NFATC3: variants seen among roughly 807,000 people sequenced by gnomAD.
NFATC3 encodes nuclear factor of activated T cells 3.
In NFATC3, 46 loss-of-function variants were observed where a neutral mutation model predicts 98.6. The ratio of observed to expected loss-of-function variants is 0.47; its 90% CI spans 0.37 to 0.60. The LOEUF (loss-of-function observed/expected upper bound fraction) is 0.60, where lower values mean the gene tolerates loss of function less well. Among genes scored for constraint, NFATC3 ranks in the 20% least tolerant of loss-of-function variants. The pLI, the probability that NFATC3 is intolerant of heterozygous loss-of-function variation, is 0.00. For synonymous variants in NFATC3, 512 were observed against 472.2 expected, an observed-to-expected ratio of 1.08 and a Z score of -1.09; for missense variants, 1,256 against 1,295.5, an observed-to-expected ratio of 0.97 and a Z score of 0.47.
intron 1 of NFATC3, among the ~76,000 whole-genome samples, chr16:68,093,601 TTAGA>T (rs1877941427): frequency 6.6e-6 from 1 of 152,226 alleles, no homozygotes; most frequent in South Asian, 2.1e-4. Context: ...TTGTGATACA[TTAGA>T]TAAATATTTA....
chr16:68,100,417 A>G (rs2035281207), intron 1 of NFATC3, among the ~76,000 whole-genome samples: 1 of 152,124 alleles, frequency 6.6e-6, no homozygotes, highest in Non-Finnish European at 1.5e-5. Context: ...TACTAAAAAT[A>G]CAAAAATTAG....
intron 1 of NFATC3, among the ~76,000 whole-genome samples, chr16:68,108,029 C>G (rs535735143): frequency 2.4e-4 from 36 of 151,136 alleles, no homozygotes; most frequent in African/African-American, 8.5e-4. Flanking sequence ...GCTGCCTGTT[C>G]ACTGTGATGA....
chr16:68,116,907 G>A (rs922632523), intron 1 of NFATC3, among the ~76,000 whole-genome samples: 5 of 151,840 alleles, frequency 3.3e-5, no homozygotes, highest in African/African-American at 1.2e-4. Flanking sequence ...TAAGCAGTAC[G>A]ATTAGATGAA....
intron 7 of NFATC3, among the ~76,000 whole-genome samples, chr16:68,182,302 G>T (rs1381405478): frequency 1.3e-5 from 2 of 152,066 alleles, no homozygotes; most frequent in South Asian, 4.1e-4. Flanking sequence ...TGAAAGTTTT[G>T]GTCTTGTTAT....
chr16:68,214,190 A>G (rs1387119210), intron 9 of NFATC3: 11 of 588,946 alleles, frequency 1.9e-5, no homozygotes, highest in Non-Finnish European at 3.0e-5. Flanking sequence ...GTGGAGAGCC[A>G]TTTTATGCAG....
intron 1 of NFATC3, among the ~76,000 whole-genome samples, chr16:68,093,474 T>A (rs1201451241): frequency 6.6e-6 from 1 of 152,196 alleles, no homozygotes; most frequent in Non-Finnish European, 1.5e-5. Context: ...GTTGCTTAAT[T>A]TTTGCTTGAA....
intron 3 of NFATC3, among the ~76,000 whole-genome samples, chr16:68,151,834 CG>C (rs2038340043): frequency 6.6e-6 from 1 of 152,024 alleles, no homozygotes; most frequent in African/African-American, 2.4e-5. Context: ...TTTGGGAGGC[CG>C]AGGCAGGTGG....
At chr16:68,106,399 C>G (rs370270118) in intron 1 of NFATC3, among the ~76,000 whole-genome samples, 10 of 151,618 alleles carry the variant, frequency 6.6e-5, no homozygotes, top group African/African-American at 1.9e-4. Flanking sequence ...TCAAGTGATT[C>G]ACCTGCCTCA....
At chr16:68,198,032 G>A (rs1315971492) in intron 9 of NFATC3, among the ~76,000 whole-genome samples, 1 of 152,144 alleles carries the variant, frequency 6.6e-6, no homozygotes, top group Non-Finnish European at 1.5e-5. Flanking sequence ...AATTTCGGGA[G>A]TTATAGACTG....
At chr16:68,164,060 G>A (rs567310305) in intron 4 of NFATC3, among the ~76,000 whole-genome samples, 5 of 152,290 alleles carry the variant, frequency 3.3e-5, no homozygotes, top group Non-Finnish European at 7.4e-5. Flanking sequence ...CGGCTGGGAG[G>A]TGGAGGTTGT....
intron 2 of NFATC3, among the ~76,000 whole-genome samples, chr16:68,124,754 C>T (rs565484791): frequency 2.3e-4 from 34 of 145,582 alleles, no homozygotes; most frequent in African/African-American, 6.9e-4. Context: ...TTTTTTGAGA[C>T]GGAATCTCAC....
intron 7 of NFATC3, among the ~76,000 whole-genome samples, chr16:68,181,790 G>A (rs1160213763): frequency 6.6e-6 from 1 of 152,104 alleles, no homozygotes; most frequent in Non-Finnish European, 1.5e-5. Flanking sequence ...AGCCATGCGT[G>A]GTGAGGTGCG....
intron 3 of NFATC3, among the ~76,000 whole-genome samples, chr16:68,145,406 C>T (rs2037992770): frequency 6.6e-6 from 1 of 152,116 alleles, no homozygotes; most frequent in African/African-American, 2.4e-5. Context: ...TTCAGCCTTC[C>T]AAAGTGCTAG....
At position 68,191,345 on chromosome 16, in the gene NFATC3, A is replaced by T; in HGVS notation, c.2676A>T (p.Arg892Ser). 3 of 1,614,036 alleles carry T rather than the reference A, an allele frequency of 1.9e-6. No individual in the cohort carries two copies. The highest frequency in any genetic ancestry group is 2.5e-6 in the Non-Finnish European group (3 of 1,180,004). The change falls in exon 9 of 10, where the codon AGA becomes AGT. Residue 892 changes from arginine to serine, a missense_variant. Arg to Ser is a moderately radical substitution (Grantham distance 110, BLOSUM62 -1). This residue lies in a region of NFATC3 where 636 missense variants were observed against 617.3 expected (regional missense o/e 1.03). Transcript: ENST00000346183. ...MGYHCSNTGQ[R>S]SLSSPVADQI... ...ATCATTGTTCAAATACAGGACAAAG[A>T]TCTCTTTCTTCTCCAGTGGCTGACC...
intron 9 of NFATC3, among the ~76,000 whole-genome samples, chr16:68,203,164 A>G (rs898294259): frequency 2.6e-5 from 4 of 152,210 alleles, no homozygotes; most frequent in Non-Finnish European, 4.4e-5. Context: ...GGGACATACA[A>G]TAAGAAAAAT....
At chr16:68,166,707 C>G (rs2039214751) in intron 4 of NFATC3, 136 bp from the exon 5 acceptor site, 5 of 651,884 alleles carry the variant, frequency 7.7e-6, no homozygotes, top group Non-Finnish European at 1.3e-5. Context: ...CAGTGAATAG[C>G]AATCATACAT....
intron 4 of NFATC3, among the ~76,000 whole-genome samples, chr16:68,163,704 C>G (rs1371232078): frequency 6.6e-6 from 1 of 151,168 alleles, no homozygotes; most frequent in Non-Finnish European, 1.5e-5. Context: ...CGGGCAGAGA[C>G]GCTCCTCACC....
rs750874607 is a variant in NFATC3 at position 68,191,595 on chromosome 16, A to G, written c.2926A>G (p.Thr976Ala). Residue 976 changes from threonine to alanine, a missense_variant, in exon 9 of 10, where the codon ACT (threonine) becomes GCT (alanine). Transcript: ENST00000346183. Reference sequence around the variant, plus strand: ...CAGAATGCATTCTGGACAGCACTCAACTCAAGCACAAAGTACGGGCCAGGG... The same window carrying G: ...CAGAATGCATTCTGGACAGCACTCAGCTCAAGCACAAAGTACGGGCCAGGG... Reference protein sequence around the residue: ...ATRMHSGQHSTQAQSTGQGGL... With the variant: ...ATRMHSGQHSAQAQSTGQGGL... 14 of 1,613,714 alleles carry G rather than the reference A, an allele frequency of 8.7e-6. 1 individual carries two copies. The South Asian group carries it at 1.4e-4, about 16-fold the overall frequency.
chr16:68,190,794 G>T lies in NFATC3; in HGVS notation c.2125G>T (p.Glu709Ter). The change falls in exon 9 of 10, where the codon GAG becomes TAG. Residue 709 changes from glutamate (E) to a stop codon, truncating the protein, a stop_gained. Coordinates refer to ENST00000346183, the MANE Select transcript of NFATC3 (RefSeq NM_173165.3). LOFTEE classifies it high-confidence loss of function. The stretch of plus-strand genomic sequence containing the variant: ...TTTGATGAAGCAAGAACACAGAGAA[G>T]AGATTGATTTGTCTTCAGTTCCATC... Reference protein sequence around the residue: ...PVLMKQEHREEIDLSSVPSLP... With the variant: ...PVLMKQEHRE The T allele has an allele frequency of 6.2e-7, 1 of 1,608,934 alleles. No homozygotes were observed. Among genetic ancestry groups the T allele is most frequent in the Non-Finnish European group, 8.5e-7 (1 of 1,176,396 alleles).
Sources: gnomAD v4.1 joint callset for allele counts (sites outside exome capture counted in the v4.1 genomes callset) on GRCh38, gnomAD v4.1.1 for gene constraint, gnomAD v4.1.1 regional missense constraint, MANE v1.5 for transcripts, NCBI Gene and HGNC (gene_info 2026-07-23, HGNC 2026-07-21) for gene names.